The following PLD5 variants were observed in gnomAD, a reference collection of about 807,000 sequenced individuals.
PLD5 encodes the protein inactive phospholipase D5.
Under a neutral mutation model 61.1 loss-of-function variants are expected in PLD5, and 36 were observed. The ratio of observed to expected loss-of-function variants is 0.59; its 90% CI spans 0.45 to 0.78. PLD5 has a LOEUF of 0.78. PLD5 is among the 30% of genes least tolerant of loss of function. The pLI is 0.00. For synonymous variants in PLD5, 243 were observed against 242.8 expected, an observed-to-expected ratio of 1.00 and a Z score of -0.01; for missense variants, 515 against 644.4, an observed-to-expected ratio of 0.80 and a Z score of 2.17.
chr1:242,445,535 T>C (rs1002040848), intron 1 of PLD5, among the ~76,000 whole-genome samples: 1 of 152,126 alleles, frequency 6.6e-6, no homozygotes, highest in African/African-American at 2.4e-5. Context: ...AGAGACGGGG[T>C]TTCACCATGT....
chr1:242,149,322 C>T (rs2148813207), intron 5 of PLD5, among the ~76,000 whole-genome samples: 1 of 151,836 alleles, frequency 6.6e-6, no homozygotes, highest in African/African-American at 2.4e-5. Flanking sequence ...CTGAACTAGC[C>T]TTGCATTCCT....
At chr1:242,356,705 T>G (rs1240234889) in intron 1 of PLD5, among the ~76,000 whole-genome samples, 1 of 151,830 alleles carries the variant, frequency 6.6e-6, no homozygotes, top group South Asian at 2.1e-4. Flanking sequence ...GTTTTGAATG[T>G]TTTTTCACTT....
intron 1 of PLD5, among the ~76,000 whole-genome samples, chr1:242,462,181 C>T (rs112857689): frequency 5.9e-5 from 9 of 152,260 alleles, no homozygotes; most frequent in African/African-American, 1.9e-4. Flanking sequence ...AAGACACATG[C>T]GCTCATATGT....
chr1:242,249,420 G>C (rs915548809), intron 4 of PLD5, among the ~76,000 whole-genome samples: 1 of 152,104 alleles, frequency 6.6e-6, no homozygotes, highest in African/African-American at 2.4e-5. Flanking sequence ...ATAAGTTTCT[G>C]TTCTTTATAA....
rs1669367205 is a variant in PLD5 at position 242,524,125 on chromosome 1, G to A, written c.152C>T (p.Ala51Val). ...YSSVKQQDYS[A>V]SVWLRRKDKL... is the part of the protein sequence containing the mutation. The stretch of plus-strand genomic sequence containing the variant: ...GTCTTTCCTCCGAAGCCAGACGCTG[G>A]CGCTGTAGTCCTGCTGCTTGACGCT... Residue 51 changes from alanine (A) to valine (V), a missense_variant, in exon 1 of 10, where the codon GCC becomes GTC. Ala to Val is a moderately conservative substitution (Grantham distance 64). Around this residue, in one of 2 missense-constraint regions of PLD5, gnomAD observed 450 missense variants for 598.1 expected, o/e 0.75. Coordinates refer to ENST00000536534, the MANE Select transcript of PLD5 (RefSeq NM_001372062.1). The A allele has an allele frequency of 6.5e-7, 1 of 1,535,370 alleles. No homozygotes were observed. The highest frequency in any genetic ancestry group is 8.7e-7 in the Non-Finnish European group (1 of 1,146,444).
chr1:242,114,125 AT>A lies in PLD5; in HGVS notation c.934-100del, dbSNP rs1574322979. 18 of 1,353,576 alleles carry A rather than the reference AT, an allele frequency of 1.3e-5. No homozygotes were observed. The East Asian group carries it at 4.3e-4, about 32-fold the overall frequency. 83.8% of individuals were successfully genotyped at this position (1,353,576 alleles called of 1,614,324 possible). ...TCCACGGACCTTGGCTTGTAACTAT[AT>A]TTTTGCAAACCTAATTTCTGCTTCA... On this transcript the variant is annotated intron_variant, in intron 6 of 9. Coordinates refer to ENST00000536534, the MANE Select transcript of PLD5 (RefSeq NM_001372062.1).
intron 5 of PLD5, among the ~76,000 whole-genome samples, chr1:242,191,703 T>C (rs1357050647): frequency 6.6e-6 from 1 of 151,932 alleles, no homozygotes; most frequent in Non-Finnish European, 1.5e-5. Flanking sequence ...TTAGGACAGA[T>C]AGAATGCTAG....
At chr1:242,385,563 C>T (rs1662550647) in intron 1 of PLD5, among the ~76,000 whole-genome samples, 1 of 152,158 alleles carries the variant, frequency 6.6e-6, no homozygotes, top group African/African-American at 2.4e-5. Flanking sequence ...TCCCTAGTCC[C>T]ACTTCCCTCT....
At chr1:242,097,757 C>G (rs1430909574) in intron 9 of PLD5, among the ~76,000 whole-genome samples, 1 of 152,178 alleles carries the variant, frequency 6.6e-6, no homozygotes, top group Non-Finnish European at 1.5e-5. Context: ...TAAATTAGAT[C>G]CCATTTGTCA....
Position 242,444,736 on chromosome 1 carries a change from T to G in PLD5, c.189+79352A>C, listed in dbSNP as rs537693455. Among the ~76,000 whole-genome samples the G allele has an allele frequency of 2.0e-3, 296 of 147,072 alleles. 3 individuals are homozygous for G. Among genetic ancestry groups the G allele is most frequent in the Middle Eastern group, 0.014 (4 of 276 alleles). ...ATAATAAAATAATATATATATTATT[T>G]GTATAAAGTAGGCTATATATATAAT... On this transcript the variant is annotated intron_variant, in intron 1 of 9. Transcript: ENST00000536534.
At chr1:242,253,402 C>A (rs1008724153) in intron 4 of PLD5, among the ~76,000 whole-genome samples, 1 of 150,852 alleles carries the variant, frequency 6.6e-6, no homozygotes, top group Admixed American at 6.6e-5. Context: ...AAGCTCTGCC[C>A]CCTGGGGTTC....
chr1:242,149,902 A>C (rs909852222), intron 5 of PLD5, among the ~76,000 whole-genome samples: 31 of 151,800 alleles, frequency 2.0e-4, no homozygotes, highest in African/African-American at 7.2e-4. Flanking sequence ...GTTTGTCAAC[A>C]GTGTTAATTT....
intron 3 of PLD5, among the ~76,000 whole-genome samples, chr1:242,278,271 T>C (rs1674523786): frequency 6.6e-6 from 1 of 152,068 alleles, no homozygotes. Context: ...TAAACCAGCA[T>C]ACAAGCAAGC....
At chr1:242,221,800 A>G (rs1269096373) in intron 4 of PLD5, among the ~76,000 whole-genome samples, 1 of 152,216 alleles carries the variant, frequency 6.6e-6, no homozygotes, top group African/African-American at 2.4e-5. Flanking sequence ...CCAAATCTGC[A>G]TGGAGGTGTG....
chr1:242,222,179 G>C (rs547186583), intron 4 of PLD5, among the ~76,000 whole-genome samples: 2 of 150,812 alleles, frequency 1.3e-5, no homozygotes, highest in Admixed American at 6.7e-5. Context: ...TTGGATGAAG[G>C]TCCCGCCCCC....
intron 1 of PLD5, among the ~76,000 whole-genome samples, chr1:242,521,306 T>C (rs1303961346): frequency 3.9e-5 from 6 of 152,224 alleles, no homozygotes; most frequent in African/African-American, 1.4e-4. Context: ...AACCTGAGAA[T>C]TGGCCCAGCA....
chr1:242,274,318 G>C lies in PLD5; in HGVS notation c.496-8870C>G, dbSNP rs187322716. Among the ~76,000 whole-genome samples the C allele has an allele frequency of 7.7e-3, 1,178 of 152,364 alleles. 12 individuals are homozygous for C. Among genetic ancestry groups the C allele is most frequent in the Non-Finnish European group, 0.012 (821 of 68,044 alleles). On this transcript the variant is annotated intron_variant, in intron 3 of 9. Transcript: ENST00000536534. ...ATCCCAGTGCTTTGGAAGGCCATGT[G>C]GGGGCGGAGGATCACTTGAGGCCAA...
chr1:242,442,629 C>T (rs911381009), intron 1 of PLD5, among the ~76,000 whole-genome samples: 2 of 152,104 alleles, frequency 1.3e-5, no homozygotes, highest in Non-Finnish European at 2.9e-5. Flanking sequence ...AAAATGTGAG[C>T]TGTACATCTA....
chr1:242,389,722 C>A (rs1662813224), intron 1 of PLD5, among the ~76,000 whole-genome samples: 1 of 152,112 alleles, frequency 6.6e-6, no homozygotes, highest in East Asian at 1.9e-4. Flanking sequence ...CTCCAGCAGC[C>A]TCTCTACAGT....
Sources: allele counts gnomAD v4.1 joint callset (sites outside exome capture counted in the v4.1 genomes callset), GRCh38; gene constraint gnomAD v4.1.1; regional missense constraint gnomAD v4.1.1; transcripts MANE v1.5; gene names NCBI Gene and HGNC (gene_info 2026-07-23, HGNC 2026-07-21).